The following RYR2 variants were observed in gnomAD, a reference collection of about 807,000 sequenced individuals.
The protein encoded by RYR2 is cardiac muscle ryanodine receptor-calcium release channel.
Under a neutral mutation model 601.1 loss-of-function variants are expected in RYR2, and 227 were observed. The observed-to-expected ratio is 0.38, with a 90% CI of 0.34 to 0.42. RYR2 has a LOEUF of 0.42. RYR2 is among the 10% of genes least tolerant of loss of function. RYR2 has a pLI of 1.00. For missense variants in RYR2, 4,646 were observed against 6,156.5 expected (o/e 0.75, Z 8.21); for synonymous variants, 2,223 against 2,175.1 (o/e 1.02, Z -0.61).
At chr1:237,519,256 C>T (rs1367774853) in intron 24 of RYR2, among the ~76,000 whole-genome samples, 4 of 152,152 alleles carry the variant, frequency 2.6e-5, no homozygotes, top group Admixed American at 2.6e-4. Flanking sequence ...GATTCTTTCT[C>T]TCACTGTGCA....
chr1:237,705,155 T>A, intron 66 of RYR2, 58 bp from the exon 67 acceptor site: 1 of 1,493,844 alleles, frequency 6.7e-7, no homozygotes, highest in Non-Finnish European at 9.2e-7. Context: ...AATTGTAATA[T>A]GACTTTTTTA....
intron 97 of RYR2, among the ~76,000 whole-genome samples, chr1:237,801,395 C>T (rs182571531): frequency 0.014 from 1,991 of 141,354 alleles, 38 homozygotes; most frequent in African/African-American, 0.047. Flanking sequence ...AAAAAAAATT[C>T]GCTGGGAGCG....
At chr1:237,589,550 G>C (rs531566104) in intron 29 of RYR2, among the ~76,000 whole-genome samples, 1 of 152,298 alleles carries the variant, frequency 6.6e-6, no homozygotes, top group South Asian at 2.1e-4. Flanking sequence ...AGTTAAGTCT[G>C]AGATGACAGA....
intron 101 of RYR2, among the ~76,000 whole-genome samples, chr1:237,825,641 G>T (rs890063191): frequency 9.2e-5 from 14 of 152,134 alleles, no homozygotes; most frequent in African/African-American, 2.7e-4. Flanking sequence ...AAAAGCAATG[G>T]CAACAAAAGC....
chr1:237,830,455 C>T, intron 102 of RYR2, 75 bp from the exon 103 acceptor site: 1 of 865,018 alleles, frequency 1.2e-6, no homozygotes, highest in Non-Finnish European at 2.0e-6. Flanking sequence ...AATAGCTGCC[C>T]CTACATGGCG....
chr1:237,074,506 T>C (rs1308547919), intron 1 of RYR2, among the ~76,000 whole-genome samples: 1 of 152,200 alleles, frequency 6.6e-6, no homozygotes, highest in Admixed American at 6.5e-5. Context: ...GGATTCACCA[T>C]GATGTCATCT....
intron 2 of RYR2, among the ~76,000 whole-genome samples, chr1:237,314,729 C>A (rs1694939901): frequency 6.6e-6 from 1 of 152,178 alleles, no homozygotes; most frequent in Admixed American, 6.5e-5. Flanking sequence ...ATATTGCTTG[C>A]TCCTCACTTG....
intron 1 of RYR2, among the ~76,000 whole-genome samples, chr1:237,244,025 G>C (rs752528315): frequency 3.3e-5 from 5 of 151,970 alleles, no homozygotes; most frequent in African/African-American, 1.2e-4. Flanking sequence ...GGGAGGTATC[G>C]GTCACTGGTA....
chr1:237,589,221 A>T (rs1674876100), intron 29 of RYR2, among the ~76,000 whole-genome samples: 1 of 152,196 alleles, frequency 6.6e-6, no homozygotes, highest in Non-Finnish European at 1.5e-5. Context: ...ATTCCAGAAA[A>T]AAAGCAAAAT....
intron 65 of RYR2, among the ~76,000 whole-genome samples, chr1:237,700,698 T>C (rs1280600417): frequency 6.6e-6 from 1 of 152,208 alleles, no homozygotes; most frequent in East Asian, 1.9e-4. Flanking sequence ...GTACTGGTTA[T>C]AGAAAATGAC....
At chr1:237,363,427 TA>T (rs746356980) in intron 4 of RYR2, among the ~76,000 whole-genome samples, 26 of 152,214 alleles carry the variant, frequency 1.7e-4, no homozygotes, top group Non-Finnish European at 2.8e-4. Flanking sequence ...ATATACATAT[TA>T]CTATGTAAAT....
chr1:237,286,469 C>A (rs1338275973), intron 2 of RYR2, among the ~76,000 whole-genome samples: 1 of 150,308 alleles, frequency 6.7e-6, no homozygotes, highest in Non-Finnish European at 1.5e-5. Context: ...AAGTTCCATG[C>A]GCTTTTAATA....
At chr1:237,573,091 A>G (rs1672863317) in intron 29 of RYR2, among the ~76,000 whole-genome samples, 1 of 152,082 alleles carries the variant, frequency 6.6e-6, no homozygotes, top group South Asian at 2.1e-4. Flanking sequence ...TGTCTGTATC[A>G]TGTTCGATTT....
At chr1:237,239,942 G>A (rs561179956) in intron 1 of RYR2, among the ~76,000 whole-genome samples, 149 of 152,310 alleles carry the variant, frequency 9.8e-4, no homozygotes, top group Non-Finnish European at 1.8e-3. Context: ...AGGGAGGGAA[G>A]AAGTTTGGAT....
intron 101 of RYR2, among the ~76,000 whole-genome samples, chr1:237,826,110 T>C (rs1663057240): frequency 6.6e-6 from 1 of 152,180 alleles, no homozygotes; most frequent in South Asian, 2.1e-4. Flanking sequence ...ACTGTGGTGA[T>C]CCCTCAAGGA....
chr1:237,127,381 C>A (rs1276077915), intron 1 of RYR2, among the ~76,000 whole-genome samples: 1 of 151,278 alleles, frequency 6.6e-6, no homozygotes, highest in Non-Finnish European at 1.5e-5. Flanking sequence ...GCGCCCCTCA[C>A]CTCCCGGACG....
At chr1:237,453,899 G>A (rs894198644) in intron 14 of RYR2, among the ~76,000 whole-genome samples, 20 of 152,100 alleles carry the variant, frequency 1.3e-4, no homozygotes, top group Admixed American at 2.6e-4. Flanking sequence ...TATATTTACC[G>A]TTTCATAAGC....
intron 1 of RYR2, among the ~76,000 whole-genome samples, chr1:237,149,666 A>G (rs1029115595): frequency 6.6e-6 from 1 of 152,212 alleles, no homozygotes; most frequent in African/African-American, 2.4e-5. Flanking sequence ...CCTGTTATAC[A>G]TTACCACAAT....
At position 237,570,106 on chromosome 1, in the gene RYR2, T is replaced by C. The variant is rs962332631; in HGVS notation, c.3598+787T>C. Among the ~76,000 whole-genome samples, 4 of 151,554 alleles carry C rather than the reference T, an allele frequency of 2.6e-5. No individual in the cohort carries two copies. In the South Asian group the frequency reaches 8.3e-4, roughly 32 times the overall value. ...GGTGGCATGCACCTGTAATCCCAGCTATTTGAGAGGCTGAGGCAGGAGAAT... is the reference window on the plus strand; with the variant it reads ...GGTGGCATGCACCTGTAATCCCAGCCATTTGAGAGGCTGAGGCAGGAGAAT... On this transcript the variant is annotated intron_variant, in intron 29 of 104. Transcript: ENST00000366574.
Sources: allele counts gnomAD v4.1 joint callset (sites outside exome capture counted in the v4.1 genomes callset), GRCh38; gene constraint gnomAD v4.1.1; transcripts MANE v1.5; gene names NCBI Gene and HGNC (gene_info 2026-07-23, HGNC 2026-07-21).